MIER1: variants seen among roughly 807,000 people sequenced by gnomAD.
MIER1 encodes MIER1 transcriptional regulator, also known as mesoderm induction early response protein 1.
In MIER1, 40 loss-of-function variants were observed where a neutral mutation model predicts 75.7. The ratio of observed to expected loss-of-function variants is 0.53; its 90% CI spans 0.41 to 0.69. The LOEUF is 0.69. MIER1 is among the 30% of genes least tolerant of loss of function. The pLI is 0.00. For missense variants in MIER1, 574 were observed against 680.2 expected (o/e 0.84, Z 1.74); for synonymous variants, 213 against 223.4 (o/e 0.95, Z 0.42).
Position 66,984,840 on chromosome 1 carries a change from A to C in MIER1, c.1638A>C (p.Glu546Asp), listed in dbSNP as rs778728576. ...SNGKESPGSS[E>D]FFQEAVSHGK... ...GAAAAGAAAGTCCAGGTTCTTCTGA[A>C]TTTTTCCAAGAAGCAGTCTCACATG... The change falls in exon 14 of 14, where the codon GAA becomes GAC. Residue 546 changes from glutamate to aspartate, a missense_variant. Glu to Asp is a conservative substitution (Grantham distance 45). Around this residue, in one of 3 missense-constraint regions of MIER1, gnomAD observed 164 missense variants for 154.3 expected, o/e 1.06. Coordinates refer to ENST00000401041, the MANE Select transcript of MIER1 (RefSeq NM_001077700.3). 1.1e-5 allele frequency: 17 copies of C among 1,609,598 alleles called. No individual in the cohort carries two copies. The highest frequency in any genetic ancestry group is 1.3e-5 in the Non-Finnish European group (15 of 1,178,836).
At position 66,934,511 on chromosome 1, in the gene MIER1, C is replaced by G. The variant is rs567737519; in HGVS notation, c.169-5517C>G. Among the ~76,000 whole-genome samples the G allele has an allele frequency of 4.7e-5, 7 of 147,994 alleles. No individual in the cohort carries two copies. The South Asian group carries it at 1.5e-3, about 32-fold the overall frequency. ...CCTCAAACTCCTGGGCTCAGGTGAT[C>G]AATCCTTCCCTCAGAGCCTCTCAAG... is the stretch of plus-strand genomic sequence containing the variant. On this transcript the variant is annotated intron_variant, in intron 2 of 13. Transcript: ENST00000401041.
At chr1:66,967,386 T>C (rs1662640686) in intron 8 of MIER1, among the ~76,000 whole-genome samples, 1 of 152,246 alleles carries the variant, frequency 6.6e-6, no homozygotes, top group African/African-American at 2.4e-5. Context: ...CATGCTGTTT[T>C]AGTTACTGTA....
intron 2 of MIER1, among the ~76,000 whole-genome samples, chr1:66,939,324 C>G (rs1478081232): frequency 6.6e-6 from 1 of 152,068 alleles, no homozygotes; most frequent in African/African-American, 2.4e-5. Context: ...CCAATTTTAT[C>G]TTTAAATTTT....
intron 2 of MIER1, among the ~76,000 whole-genome samples, chr1:66,934,694 C>A (rs992472076): frequency 6.6e-6 from 1 of 151,630 alleles, no homozygotes; most frequent in Non-Finnish European, 1.5e-5. Context: ...TGTTCCCAGT[C>A]CTTATTTTCT....
chr1:66,966,213 G>T (rs1225051317), intron 8 of MIER1, among the ~76,000 whole-genome samples: 1 of 152,124 alleles, frequency 6.6e-6, no homozygotes. Context: ...AGGCCCCGGT[G>T]TGTGATGTTC....
chr1:66,926,313 T>C, intron 2 of MIER1, 71 bp downstream of exon 2: 1 of 1,199,664 alleles, frequency 8.3e-7, no homozygotes, highest in Non-Finnish European at 1.2e-6. Context: ...AAGATTATAT[T>C]ACTCTTCTTA....
rs1181453554 is a variant in MIER1, at chr1:66,972,251, TATATATATATAG to T, written c.1006+520_1006+531del. ...TATACACTACATATATATATATATA[TATATATATATAG>T]ATATGTAACAAATGAGAGATATTTA... On this transcript the variant is annotated intron_variant, in intron 10 of 13. Coordinates refer to ENST00000401041, the MANE Select transcript of MIER1 (RefSeq NM_001077700.3). Among the ~76,000 whole-genome samples, 914 of 95,044 alleles carry T rather than the reference TATATATATATAG, an allele frequency of 9.6e-3. 10 individuals are homozygous for T. Among genetic ancestry groups the T allele is most frequent in the African/African-American group, 0.051 (848 of 16,666 alleles). 62.4% of individuals were successfully genotyped at this position (95,044 alleles called of 152,430 possible). A position where few individuals can be genotyped will look rare whatever the true frequency, so the allele number is the denominator to read the frequency against.
In MIER1 at chr1:66,985,782, A is replaced by C; in HGVS notation, c.*882A>C. 1 of 910,012 alleles carries C rather than the reference A, an allele frequency of 1.1e-6. No homozygotes were observed. The highest frequency in any genetic ancestry group is 5.1e-5 in the South Asian group (1 of 19,526). 56.4% of individuals were successfully genotyped at this position (910,012 alleles called of 1,614,324 possible). On this transcript the variant is annotated 3_prime_UTR_variant, in exon 14 of 14. Coordinates refer to ENST00000401041, the MANE Select transcript of MIER1 (RefSeq NM_001077700.3). Reference sequence around the variant, plus strand: ...AGTAATTAAGTCATATTTCTTATCCAGGTGGTTAAAGCATTCATAAAGGAT... The same window carrying C: ...AGTAATTAAGTCATATTTCTTATCCCGGTGGTTAAAGCATTCATAAAGGAT...
chr1:66,967,874 G>A (rs1662747040), intron 8 of MIER1, among the ~76,000 whole-genome samples: 1 of 152,016 alleles, frequency 6.6e-6, no homozygotes, highest in South Asian at 2.1e-4. Context: ...TACTGAATTT[G>A]TCAGTTCTAA....
Position 66,950,225 on chromosome 1 carries a change from C to T in MIER1, c.339+3930C>T, listed in dbSNP as rs889726253. 9.2e-5 allele frequency among the ~76,000 whole-genome samples: 14 copies of T among 152,306 alleles called. No homozygotes were observed. The East Asian group carries it at 2.7e-3, about 29-fold the overall frequency. On this transcript the variant is annotated intron_variant, in intron 4 of 13. Transcript: ENST00000401041. ...CTGGGTTCAAGCAATTCGCCTGCCT[C>T]AGCCTCTTGAGTAGCTAGGATTATA...
rs773594617 is a variant in MIER1, at chr1:66,963,062, A to G, written c.700-26A>G. On this transcript the variant is annotated intron_variant, in intron 7 of 13. Coordinates refer to ENST00000401041, the MANE Select transcript of MIER1 (RefSeq NM_001077700.3). ...ATAAAATCTGTTACTAGATCTTACT[A>G]ATGTTTTATGTTATTTTTAAAATAG... 3.1e-5 allele frequency: 45 copies of G among 1,474,882 alleles called. No individual in the cohort carries two copies. The South Asian group carries it at 4.3e-4, about 14-fold the overall frequency. The allele number at this position is 1,474,882 out of a possible 1,614,324, so 91.4% of individuals were successfully genotyped here.
chr1:66,926,006 T>A, intron 1 of MIER1, 136 bp from the exon 2 acceptor site: 1 of 634,172 alleles, frequency 1.6e-6, no homozygotes, highest in Non-Finnish European at 2.8e-6. Context: ...GCTCATTAAA[T>A]GTTTTTCTAA....
chr1:66,925,324 C>A, intron 1 of MIER1: 1 of 985,452 alleles, frequency 1.0e-6, no homozygotes, highest in Non-Finnish European at 1.2e-6. Flanking sequence ...TCGACTGCCT[C>A]CCAGCGCCGC....
In MIER1 at chr1:66,926,177, G is replaced by A; in HGVS notation, c.103G>A (p.Glu35Lys). 1 of 1,613,976 alleles carries A rather than the reference G, an allele frequency of 6.2e-7. No individual in the cohort carries two copies. Among genetic ancestry groups the A allele is most frequent in the Non-Finnish European group, 8.5e-7 (1 of 1,179,864 alleles). ...CGCTCGATTCTCCCAGTGCCTGGCT[G>A]AGTTTCGGACGTGGTTAAGAACCAA... The part of the protein sequence containing the change: ...VVARFSQCLA[E>K]FRTWLRTNWL... The change falls in exon 2 of 14, where the codon GAG (glutamate) becomes AAG (lysine). Residue 35 changes from glutamate to lysine, a missense_variant. Physicochemically the swap from Glu to Lys is moderately conservative, Grantham distance 56. Coordinates refer to ENST00000401041, the MANE Select transcript of MIER1 (RefSeq NM_001077700.3).
At chr1:66,930,279 G>A in intron 2 of MIER1, 1 of 1,537,460 alleles carries the variant, frequency 6.5e-7, no homozygotes, top group Non-Finnish European at 8.8e-7. Context: ...CAGTGGCGGC[G>A]GGAGCGGCAG....
At chr1:66,978,261 C>A (rs955550336) in intron 12 of MIER1, among the ~76,000 whole-genome samples, 3 of 149,122 alleles carry the variant, frequency 2.0e-5, no homozygotes, top group Non-Finnish European at 4.5e-5. Flanking sequence ...TCCTAAACTG[C>A]ACTGTTTCTT....
chr1:66,946,891 TC>T, intron 4 of MIER1: 1 of 985,270 alleles, frequency 1.0e-6, no homozygotes, highest in Non-Finnish European at 1.2e-6. Context: ...TGTCTGGTTT[TC>T]TTTATCTTTT....
Position 66,952,758 on chromosome 1 carries a change from C to T in MIER1, c.340-5301C>T, listed in dbSNP as rs551233945. Among the ~76,000 whole-genome samples, 5 of 152,338 alleles carry T rather than the reference C, an allele frequency of 3.3e-5. No individual in the cohort carries two copies. The East Asian group carries it at 7.7e-4, about 24-fold the overall frequency. ...CCTGGATGAAGCCATCCTCCTGCCT[C>T]AGCCCCCCTAGTAGCTGGGACTACG... On this transcript the variant is annotated intron_variant, in intron 4 of 13. Coordinates refer to ENST00000401041, the MANE Select transcript of MIER1 (RefSeq NM_001077700.3).
chr1:66,949,396 C>G (rs575647704), intron 4 of MIER1, among the ~76,000 whole-genome samples: 2 of 152,062 alleles, frequency 1.3e-5, no homozygotes, highest in Non-Finnish European at 2.9e-5. Flanking sequence ...TTCCCCAGCC[C>G]CATATAGTGC....
Sources: gnomAD v4.1 joint callset for allele counts (sites outside exome capture counted in the v4.1 genomes callset) on GRCh38, gnomAD v4.1.1 for gene constraint, gnomAD v4.1.1 regional missense constraint, MANE v1.5 for transcripts, NCBI Gene and HGNC (gene_info 2026-07-23, HGNC 2026-07-21) for gene names.